Variants in IFT80 observed in about 807,000 individuals in gnomAD.
The protein encoded by IFT80 is intraflagellar transport 80, also known as intraflagellar transport protein 80 homolog.
In IFT80, 79 loss-of-function variants were observed where a neutral mutation model predicts 107.9. That is an observed-to-expected ratio of 0.73 (90% CI 0.61 to 0.88). The LOEUF is 0.88. Ranked by LOEUF, IFT80 falls within the 40% of genes least tolerant of loss-of-function variation. IFT80 has a pLI of 0.00. For synonymous variants in IFT80, 299 were observed against 300.9 expected (o/e 0.99, Z 0.07); for missense variants, 797 against 914.2 (o/e 0.87, Z 1.65).
At chr3:160,276,327 A>G (rs943364556) in intron 18 of IFT80, among the ~76,000 whole-genome samples, 2 of 152,248 alleles carry the variant, frequency 1.3e-5, no homozygotes, top group Non-Finnish European at 2.9e-5. Context: ...CAGTATGTCA[A>G]TCATAAAATT....
At chr3:160,376,126 C>T (rs371067023) in intron 4 of IFT80, among the ~76,000 whole-genome samples, 4 of 152,074 alleles carry the variant, frequency 2.6e-5, no homozygotes, top group Non-Finnish European at 2.9e-5. Flanking sequence ...ACTTTCATGA[C>T]GAAAATTTTT....
At chr3:160,268,983 C>G (rs528251586) in intron 18 of IFT80, among the ~76,000 whole-genome samples, 1 of 152,170 alleles carries the variant, frequency 6.6e-6, no homozygotes, top group Non-Finnish European at 1.5e-5. Flanking sequence ...AATCCCAGCA[C>G]TTTGGGAGGC....
intron 9 of IFT80, among the ~76,000 whole-genome samples, chr3:160,318,603 C>A (rs1267763983): frequency 6.6e-6 from 1 of 152,056 alleles, no homozygotes; most frequent in African/African-American, 2.4e-5. Flanking sequence ...CTTGTGCCCT[C>A]CCACTGATAT....
rs1328230652 is a variant in IFT80 at position 160,258,013 on chromosome 3, T to C, written c.*512A>G. 1.2e-5 allele frequency: 2 copies of C among 171,794 alleles called. No homozygotes were observed. Among genetic ancestry groups the C allele is most frequent in the African/African-American group, 2.4e-5 (1 of 41,564 alleles). The allele number at this position is 171,794 out of a possible 1,614,324, so 10.6% of individuals were successfully genotyped here. On this transcript the variant is annotated 3_prime_UTR_variant, in exon 20 of 20. Transcript: ENST00000326448. ...ATCCATTCATGATAGACACTTGAGC[T>C]GTTTCCATCTTTTGCTATTCCAGTA...
chr3:160,365,076 G>A (rs1721776169), intron 6 of IFT80, among the ~76,000 whole-genome samples: 1 of 151,904 alleles, frequency 6.6e-6, no homozygotes, highest in Non-Finnish European at 1.5e-5. Context: ...CAACTTGTCT[G>A]TTTTTGCTGT....
intron 19 of IFT80, among the ~76,000 whole-genome samples, chr3:160,264,150 C>T (rs1215683863): frequency 2.6e-5 from 4 of 151,710 alleles, no homozygotes; most frequent in Non-Finnish European, 5.9e-5. Flanking sequence ...TGCTCTGTTG[C>T]CCAGGTTGGA....
At chr3:160,353,834 ACTGT>A (rs1265833351) in intron 8 of IFT80, among the ~76,000 whole-genome samples, 4 of 152,238 alleles carry the variant, frequency 2.6e-5, no homozygotes, top group Admixed American at 2.0e-4. Flanking sequence ...TTTCTAGAAC[ACTGT>A]CTGATGAGTA....
chr3:160,395,905 G>GT (rs1271267001), intron 1 of IFT80, among the ~76,000 whole-genome samples: 28 of 152,022 alleles, frequency 1.8e-4, no homozygotes, highest in Non-Finnish European at 2.5e-4. Context: ...AGATATTACT[G>GT]TAATTATTTC....
intron 8 of IFT80, among the ~76,000 whole-genome samples, chr3:160,352,900 T>C (rs1276125107): frequency 2.0e-5 from 3 of 152,206 alleles, no homozygotes; most frequent in Non-Finnish European, 4.4e-5. Flanking sequence ...AACGTCATCA[T>C]TTTCTTGTAC....
At chr3:160,274,690 G>C (rs952551896) in intron 18 of IFT80, 2 of 152,238 alleles carry the variant, frequency 1.3e-5, no homozygotes, top group Non-Finnish European at 2.9e-5. Flanking sequence ...TGTAATCCCA[G>C]TGCTTTGGGA....
intron 8 of IFT80, among the ~76,000 whole-genome samples, chr3:160,351,498 A>G (rs1720693869): frequency 6.8e-6 from 1 of 148,036 alleles, no homozygotes; most frequent in Admixed American, 6.8e-5. Flanking sequence ...TTTGATATAT[A>G]GTATCAAAAT....
At chr3:160,351,024 T>C (rs987593119) in intron 8 of IFT80, among the ~76,000 whole-genome samples, 8 of 151,956 alleles carry the variant, frequency 5.3e-5, no homozygotes, top group African/African-American at 1.9e-4. Flanking sequence ...TATTTGAAAA[T>C]GTACATTTTT....
intron 14 of IFT80, among the ~76,000 whole-genome samples, chr3:160,281,450 G>A (rs1466556606): frequency 3.3e-5 from 5 of 152,230 alleles, no homozygotes; most frequent in South Asian, 2.1e-4. Flanking sequence ...GCAGACATGA[G>A]CAAGTCAGGA....
At chr3:160,341,880 T>A (rs1321910450) in intron 8 of IFT80, among the ~76,000 whole-genome samples, 2 of 152,324 alleles carry the variant, frequency 1.3e-5, no homozygotes, top group East Asian at 1.9e-4. Flanking sequence ...CTGGAAGGTA[T>A]CCCTGTATCC....
At chr3:160,280,057 T>C (rs1375075105) in intron 15 of IFT80, among the ~76,000 whole-genome samples, 3 of 152,208 alleles carry the variant, frequency 2.0e-5, no homozygotes, top group African/African-American at 7.2e-5. Flanking sequence ...ATTTGAATAC[T>C]AAAAACAAAC....
chr3:160,272,894 A>G (rs1713930472), intron 18 of IFT80, among the ~76,000 whole-genome samples: 1 of 152,212 alleles, frequency 6.6e-6, no homozygotes, highest in South Asian at 2.1e-4. Flanking sequence ...TTCTATACAC[A>G]TATTCAATGT....
intron 3 of IFT80, 114 bp from the exon 4 acceptor site, chr3:160,377,654 T>A (rs1434873341): frequency 1.7e-6 from 1 of 574,954 alleles, no homozygotes; most frequent in African/African-American, 1.9e-5. Flanking sequence ...ACATTATAAT[T>A]ATTCTTAATA....
chr3:160,258,699 A>AGTTACTTTGG, intron 19 of IFT80, 64 bp from the exon 20 acceptor site: 1 of 1,566,148 alleles, frequency 6.4e-7, no homozygotes, highest in Non-Finnish European at 8.7e-7. Context: ...GTTTACTCCA[A>AGTTACTTTGG]AGTAACTAAG....
chr3:160,314,032 G>A (rs1717607084), intron 9 of IFT80, among the ~76,000 whole-genome samples: 1 of 152,012 alleles, frequency 6.6e-6, no homozygotes, highest in African/African-American at 2.4e-5. Context: ...TCCTCAGATT[G>A]ACATAAGTCT....
Sources: allele counts gnomAD v4.1 joint callset (sites outside exome capture counted in the v4.1 genomes callset), GRCh38; gene constraint gnomAD v4.1.1; transcripts MANE v1.5; gene names NCBI Gene and HGNC (gene_info 2026-07-23, HGNC 2026-07-21).